Variants in TEAD1 observed in about 807,000 individuals in gnomAD.
TEAD1 encodes TEA domain transcription factor 1, also known as transcriptional enhancer factor TEF-1.
A neutral mutation model predicts 54.9 loss-of-function variants in TEAD1; 9 were observed. That is an observed-to-expected ratio of 0.16 (90% CI 0.10 to 0.29). TEAD1 has a LOEUF of 0.29. Ranked by LOEUF, TEAD1 falls within the 10% of genes least tolerant of loss-of-function variation. The probability of loss-of-function intolerance (pLI) is 1.00; values close to 1 mark genes in which losing one functional copy is unlikely to be tolerated. For missense variants in TEAD1, 387 were observed against 535.9 expected, an observed-to-expected ratio of 0.72 and a Z score of 2.74; for synonymous variants, 200 against 187.8, an observed-to-expected ratio of 1.07 and a Z score of -0.53.
rs116609055 is a variant in TEAD1 at position 12,814,535 on chromosome 11, G to A, written c.203-47715G>A. 8.6e-3 allele frequency among the ~76,000 whole-genome samples: 1,306 copies of A among 152,266 alleles called. 22 individuals are homozygous for A. Among genetic ancestry groups the A allele is most frequent in the African/African-American group, 0.03 (1,237 of 41,538 alleles). On this transcript the variant is annotated intron_variant, in intron 3 of 12. Coordinates refer to ENST00000527636, the MANE Select transcript of TEAD1 (RefSeq NM_021961.6). ...TAGGAAGCCTGAGGGTCTTGTCCCT[G>A]TCCTGGTTGCCAGGGCTCTGCCTAG...
At chr11:12,726,848 T>TG (rs1159181918) in intron 2 of TEAD1, among the ~76,000 whole-genome samples, 1 of 152,070 alleles carries the variant, frequency 6.6e-6, no homozygotes, top group Non-Finnish European at 1.5e-5. Flanking sequence ...AAAAAACAAA[T>TG]GTATAATTTT....
chr11:12,680,138 G>A (rs1207645447), intron 2 of TEAD1, among the ~76,000 whole-genome samples: 2 of 152,138 alleles, frequency 1.3e-5, no homozygotes, highest in Non-Finnish European at 2.9e-5. Flanking sequence ...TGCTTTATCT[G>A]TTCCTTCTTT....
intron 2 of TEAD1, among the ~76,000 whole-genome samples, chr11:12,732,489 A>G (rs1239372012): frequency 2.6e-5 from 4 of 152,198 alleles, no homozygotes; most frequent in African/African-American, 4.8e-5. Flanking sequence ...GGTGAAGAAT[A>G]TAGAGAAGTC....
chr11:12,781,951 CA>C (rs71454001), intron 3 of TEAD1, among the ~76,000 whole-genome samples: 157 of 65,398 alleles, frequency 2.4e-3, no homozygotes, highest in South Asian at 4.9e-3. Context: ...CTCGTCTGTA[CA>C]AAAAAAAAAA....
chr11:12,719,202 TGA>T (rs1188852534), intron 2 of TEAD1, among the ~76,000 whole-genome samples: 1 of 151,970 alleles, frequency 6.6e-6, no homozygotes, highest in Non-Finnish European at 1.5e-5. Context: ...CAGCTAAACA[TGA>T]GAGCAGTTTG....
chr11:12,847,159 T>C (rs1947173028), intron 3 of TEAD1, among the ~76,000 whole-genome samples: 1 of 152,180 alleles, frequency 6.6e-6, no homozygotes, highest in Non-Finnish European at 1.5e-5. Flanking sequence ...TGAGCCATGA[T>C]GTCATATATT....
chr11:12,886,864 C>A (rs2134106067), intron 9 of TEAD1, among the ~76,000 whole-genome samples: 1 of 152,106 alleles, frequency 6.6e-6, no homozygotes, highest in East Asian at 1.9e-4. Context: ...TAATAATACC[C>A]CCTAATAGAT....
At chr11:12,922,498 T>G (rs948476428) in intron 10 of TEAD1, 14 of 152,198 alleles carry the variant, frequency 9.2e-5, no homozygotes, top group Non-Finnish European at 1.8e-4. Flanking sequence ...GTAGGAAGTT[T>G]TGCCTAAGGA....
At chr11:12,828,824 G>T (rs1946712520) in intron 3 of TEAD1, among the ~76,000 whole-genome samples, 1 of 142,018 alleles carries the variant, frequency 7.0e-6, no homozygotes, top group Non-Finnish European at 1.5e-5. Flanking sequence ...CCTTACTCCT[G>T]ACTCTTTTGT....
intron 10 of TEAD1, among the ~76,000 whole-genome samples, chr11:12,919,889 A>G (rs1017930688): frequency 3.9e-5 from 6 of 152,152 alleles, no homozygotes; most frequent in Admixed American, 3.3e-4. Flanking sequence ...ATTATCCATT[A>G]TATTACTTCT....
At chr11:12,770,931 T>C (rs1396382178) in intron 3 of TEAD1, among the ~76,000 whole-genome samples, 2 of 152,204 alleles carry the variant, frequency 1.3e-5, no homozygotes, top group African/African-American at 4.8e-5. Context: ...AAACTTATTT[T>C]GGATTATAGA....
chr11:12,853,256 T>TA (rs1947310214), intron 3 of TEAD1, among the ~76,000 whole-genome samples: 3 of 152,116 alleles, frequency 2.0e-5, no homozygotes, highest in Non-Finnish European at 4.4e-5. Context: ...GGAAGCTTGG[T>TA]AGGTATTTTG....
At chr11:12,697,384 A>G (rs1943608408) in intron 2 of TEAD1, among the ~76,000 whole-genome samples, 1 of 152,246 alleles carries the variant, frequency 6.6e-6, no homozygotes, top group Admixed American at 6.5e-5. Context: ...TGGTGTCAGA[A>G]TAAAAGCCTG....
At chr11:12,891,489 G>A (rs1276403502) in intron 9 of TEAD1, among the ~76,000 whole-genome samples, 1 of 152,238 alleles carries the variant, frequency 6.6e-6, no homozygotes, top group Non-Finnish European at 1.5e-5. Context: ...GGATTAATGA[G>A]CTGTGAGAAG....
At chr11:12,719,494 A>G (rs540070407) in intron 2 of TEAD1, among the ~76,000 whole-genome samples, 1 of 142,634 alleles carries the variant, frequency 7.0e-6, no homozygotes, top group South Asian at 2.2e-4. Flanking sequence ...TCTACCTCTT[A>G]AGCTATGCTC....
chr11:12,769,827 C>T (rs985874253), intron 3 of TEAD1, among the ~76,000 whole-genome samples: 1 of 152,120 alleles, frequency 6.6e-6, no homozygotes, highest in African/African-American at 2.4e-5. Flanking sequence ...CCACCGATCA[C>T]AGGATGTATT....
intron 3 of TEAD1, among the ~76,000 whole-genome samples, chr11:12,824,431 C>A (rs1482325595): frequency 1.3e-5 from 2 of 152,204 alleles, no homozygotes; most frequent in African/African-American, 4.8e-5. Flanking sequence ...TCTGAACACC[C>A]AGCTATGCCT....
chr11:12,747,290 A>T lies in TEAD1; in HGVS notation c.-54-16889A>T, dbSNP rs911116967. Among the ~76,000 whole-genome samples the T allele has an allele frequency of 2.6e-5, 4 of 152,224 alleles. No individual in the cohort carries two copies. The East Asian group carries it at 7.7e-4, about 29-fold the overall frequency. Reference sequence around the variant, plus strand: ...TGCAGTATAGCAGGGAAGAAGGTGGATATATTAGCAGTAATTATTATTATT... The same window carrying T: ...TGCAGTATAGCAGGGAAGAAGGTGGTTATATTAGCAGTAATTATTATTATT... On this transcript the variant is annotated intron_variant, in intron 2 of 12. Transcript: ENST00000527636.
At chr11:12,770,660 A>G (rs1228094377) in intron 3 of TEAD1, among the ~76,000 whole-genome samples, 1 of 152,186 alleles carries the variant, frequency 6.6e-6, no homozygotes, top group Admixed American at 6.5e-5. Flanking sequence ...AGGTCAAGTT[A>G]TTTGCTTGAG....
Sources: allele counts gnomAD v4.1 joint callset (sites outside exome capture counted in the v4.1 genomes callset), GRCh38; gene constraint gnomAD v4.1.1; transcripts MANE v1.5; gene names NCBI Gene and HGNC (gene_info 2026-07-23, HGNC 2026-07-21).